Variants in DPY19L3 observed in about 807,000 individuals in gnomAD.
DPY19L3 encodes protein C-mannosyl-transferase DPY19L3.
Under a neutral mutation model 92.3 loss-of-function variants are expected in DPY19L3, and 51 were observed. That is an observed-to-expected ratio of 0.55 (90% confidence interval 0.44 to 0.70). The LOEUF (loss-of-function observed/expected upper bound fraction) is 0.70, where lower values mean the gene tolerates loss of function less well. Ranked by LOEUF, DPY19L3 falls within the 30% of genes least tolerant of loss-of-function variation. The pLI, the probability that DPY19L3 is intolerant of heterozygous loss-of-function variation, is 0.00. For synonymous variants in DPY19L3, 309 were observed against 315.2 expected, an observed-to-expected ratio of 0.98 and a Z score of 0.21; for missense variants, 706 against 855.9, an observed-to-expected ratio of 0.82 and a Z score of 2.18.
intron 15 of DPY19L3, among the ~76,000 whole-genome samples, chr19:32,466,020 CA>C (rs1970189230): frequency 6.6e-6 from 1 of 152,208 alleles, no homozygotes; most frequent in Non-Finnish European, 1.5e-5. Context: ...AGATAAAGCT[CA>C]TGAATGTTTT....
chr19:32,456,976 T>C (rs1454850244), intron 10 of DPY19L3, among the ~76,000 whole-genome samples: 1 of 152,094 alleles, frequency 6.6e-6, no homozygotes, highest in Non-Finnish European at 1.5e-5. Flanking sequence ...TCCTGGGAAA[T>C]GTAGCAAAAT....
chr19:32,457,961 T>C lies in DPY19L3; in HGVS notation c.1090-139T>C, dbSNP rs1024460098. On this transcript the variant is annotated intron_variant, in intron 10 of 18. Coordinates refer to ENST00000392250, the MANE Select transcript of DPY19L3 (RefSeq NM_001172774.2). ...TTTGGAATTCCTCAGTTCTGAGAAC[T>C]ACTGTGAACATTTACTGATTTTGTA... 4 of 648,322 alleles carry C rather than the reference T, an allele frequency of 6.2e-6. No homozygotes were observed. The Admixed American group carries it at 9.5e-5, about 15-fold the overall frequency. 40.2% of individuals were successfully genotyped at this position (648,322 alleles called of 1,614,324 possible). A position where few individuals can be genotyped will look rare whatever the true frequency, so the allele number is the denominator to read the frequency against.
chr19:32,468,676 A>G (rs985118863), intron 15 of DPY19L3, 55 bp from the exon 16 acceptor site: 6 of 1,593,580 alleles, frequency 3.8e-6, no homozygotes, highest in Non-Finnish European at 5.1e-6. Context: ...TCTTAGTGAT[A>G]GTTGTGGGTG....
At chr19:32,463,289 T>C (rs1796203868) in intron 12 of DPY19L3, 77 bp from the exon 13 acceptor site, 1 of 1,503,038 alleles carries the variant, frequency 6.7e-7, no homozygotes, top group Non-Finnish European at 9.1e-7. Flanking sequence ...ATACATTTCT[T>C]GTATCTTCTT....
intron 2 of DPY19L3, among the ~76,000 whole-genome samples, chr19:32,409,058 C>G (rs1431592846): frequency 2.0e-5 from 3 of 152,166 alleles, no homozygotes; most frequent in African/African-American, 7.2e-5. Flanking sequence ...GCTAGTAAAG[C>G]AATTCAGGGA....
rs769662643 is a variant in DPY19L3, at chr19:32,480,550, A to G, written c.1982A>G (p.Asn661Ser). 1.2e-6 allele frequency: 2 copies of G among 1,612,540 alleles called. No individual in the cohort carries two copies. Among genetic ancestry groups the G allele is most frequent in the Non-Finnish European group, 1.7e-6 (2 of 1,179,276 alleles). The change falls in exon 18 of 19, where the codon AAC (asparagine) becomes AGC (serine). Residue 661 changes from asparagine to serine, a missense_variant. Asn to Ser is a conservative substitution (Grantham distance 46). Transcript: ENST00000392250. ...CTCCGGGACCTGCTGGACATTGCCA[A>G]CGGCCACGTGAGCATGCTGCCTCTC... The part of the protein sequence containing the change: ...CRLRDLLDIA[N>S]GHMMDGPGEN...
intron 3 of DPY19L3, 78 bp from the exon 4 acceptor site, chr19:32,432,638 T>C (rs1969006962): frequency 1.6e-6 from 2 of 1,220,920 alleles, no homozygotes; most frequent in South Asian, 1.3e-5. Flanking sequence ...GTTGCAGTTA[T>C]GTATCCTTTC....
chr19:32,440,040 C>A, intron 8 of DPY19L3, 130 bp downstream of exon 8: 1 of 1,232,694 alleles, frequency 8.1e-7, no homozygotes, highest in Non-Finnish European at 1.1e-6. Flanking sequence ...TGTAAATTTG[C>A]TGTGGCCAAT....
chr19:32,432,663 G>A, intron 3 of DPY19L3, 53 bp from the exon 4 acceptor site: 9 of 1,454,990 alleles, frequency 6.2e-6, no homozygotes, highest in Non-Finnish European at 8.6e-6. Flanking sequence ...GTAACAATAT[G>A]TATTTAAACA....
chr19:32,477,936 G>A (rs1970560653), intron 17 of DPY19L3, among the ~76,000 whole-genome samples: 1 of 152,146 alleles, frequency 6.6e-6, no homozygotes, highest in African/African-American at 2.4e-5. Context: ...GTGGCAGCAA[G>A]CAAAAAGAGA....
At chr19:32,480,941 T>G (rs1016769883) in intron 18 of DPY19L3, 3 of 416,856 alleles carry the variant, frequency 7.2e-6, no homozygotes, top group Middle Eastern at 6.1e-4. Context: ...ATGGCAGGGA[T>G]GGTGGGGCCC....
chr19:32,477,601 C>G lies in DPY19L3; in HGVS notation c.1777C>G (p.Leu593Val). The change falls in exon 17 of 19, where the codon CTA becomes GTA. Residue 593 changes from leucine (L) to valine (V), a missense_variant. Transcript: ENST00000392250. ...AGVKLCTGRT[L>V]TNHPHYEDSS... The stretch of plus-strand genomic sequence containing the variant: ...AGTCAAGCTGTGCACGGGAAGGACC[C>G]TAACCAACCACCCGCACTATGAAGA... The G allele has an allele frequency of 6.2e-7, 1 of 1,614,132 alleles. No homozygotes were observed. Among genetic ancestry groups the G allele is most frequent in the Non-Finnish European group, 8.5e-7 (1 of 1,180,034 alleles).
In DPY19L3 at chr19:32,484,854, TGA is replaced by T. The variant is rs1970759290; in HGVS notation, c.*2615_*2616del. 3 of 152,312 alleles carry T rather than the reference TGA, an allele frequency of 2.0e-5. No individual in the cohort carries two copies. The highest frequency in any genetic ancestry group is 4.1e-4 in the South Asian group (2 of 4,828). 9.4% of individuals were successfully genotyped at this position (152,312 alleles called of 1,614,324 possible). A position where few individuals can be genotyped will look rare whatever the true frequency, so the allele number is the denominator to read the frequency against. The stretch of plus-strand genomic sequence containing the variant: ...TTAAGTTGAATACTTTGGTAAAAAG[TGA>T]TAAAGGCTGAGTTGCCAATAAAAGT... On this transcript the variant is annotated 3_prime_UTR_variant, in exon 19 of 19. Coordinates refer to ENST00000392250, the MANE Select transcript of DPY19L3 (RefSeq NM_001172774.2).
chr19:32,462,344 T>G (rs1252912009), intron 12 of DPY19L3, among the ~76,000 whole-genome samples: 1 of 152,172 alleles, frequency 6.6e-6, no homozygotes, highest in Admixed American at 6.5e-5. Flanking sequence ...TGGAGAGATT[T>G]CATCATGCAA....
intron 3 of DPY19L3, among the ~76,000 whole-genome samples, chr19:32,418,305 A>T (rs1002897627): frequency 6.6e-6 from 1 of 152,162 alleles, no homozygotes; most frequent in African/African-American, 2.4e-5. Context: ...TGTTAGAACC[A>T]TTTCTCAAAC....
At chr19:32,453,422 G>C in intron 9 of DPY19L3, 146 bp downstream of exon 9, 2 of 769,752 alleles carry the variant, frequency 2.6e-6, no homozygotes, top group East Asian at 5.8e-5. Flanking sequence ...GCTTTTTCTT[G>C]TGCATGTGGT....
intron 9 of DPY19L3, among the ~76,000 whole-genome samples, chr19:32,454,328 G>A (rs1361070753): frequency 3.3e-5 from 5 of 152,038 alleles, no homozygotes; most frequent in East Asian, 3.9e-4. Context: ...TAATCCCAGC[G>A]CTTTGGGAGG....
chr19:32,471,539 G>A lies in DPY19L3; in HGVS notation c.1697+2726G>A, dbSNP rs545036193. Among the ~76,000 whole-genome samples the A allele has an allele frequency of 7.2e-5, 11 of 152,268 alleles. No homozygotes were observed. The South Asian group carries it at 1.4e-3, about 20-fold the overall frequency. ...TGGCACAGGGCACCCCTTACGTGAC[G>A]TGTTGAAAAGAAGCTTATCCATCCT... On this transcript the variant is annotated intron_variant, in intron 16 of 18. Coordinates refer to ENST00000392250, the MANE Select transcript of DPY19L3 (RefSeq NM_001172774.2).
intron 10 of DPY19L3, among the ~76,000 whole-genome samples, chr19:32,455,727 TTGG>T (rs1378383139): frequency 6.6e-6 from 1 of 152,246 alleles, no homozygotes; most frequent in East Asian, 1.9e-4. Flanking sequence ...TAGGCATCCA[TTGG>T]TTTTATGTCC....
Sources: gnomAD v4.1 joint callset for allele counts (sites outside exome capture counted in the v4.1 genomes callset) on GRCh38, gnomAD v4.1.1 for gene constraint, MANE v1.5 for transcripts, NCBI Gene and HGNC (gene_info 2026-07-23, HGNC 2026-07-21) for gene names.